Variants in KRABD5 observed in about 807,000 individuals in gnomAD.
KRABD5 encodes the protein KRAB domain-containing protein 5.
chr16:31,730,101 C>T, the KRABD5 span, among the ~76,000 whole-genome samples: 1 of 152,108 alleles, frequency 6.6e-6, no homozygotes, highest in South Asian at 2.1e-4. Context: ...TCACTATTTA[C>T]CATTTCCAGT....
chr16:31,756,201 G>C, the KRABD5 span: 1 of 152,022 alleles, frequency 6.6e-6, no homozygotes, highest in Admixed American at 6.6e-5. Context: ...TTATTTTCTT[G>C]GAAATTTAAT....
chr16:31,750,716 G>GT, the KRABD5 span, among the ~76,000 whole-genome samples: 1 of 150,134 alleles, frequency 6.7e-6, no homozygotes, highest in Non-Finnish European at 1.5e-5. Context: ...TTTGTTGAGG[G>GT]GTTTTTTTTT....
the KRABD5 span, chr16:31,754,772 A>C: frequency 2.2e-6 from 1 of 463,056 alleles, no homozygotes; most frequent in Non-Finnish European, 4.4e-6. Flanking sequence ...ACATAAGATA[A>C]TCCATAATGA....
chr16:31,749,100 C>G, the KRABD5 span, among the ~76,000 whole-genome samples: 14 of 152,258 alleles, frequency 9.2e-5, no homozygotes, highest in African/African-American at 2.9e-4. Flanking sequence ...GTTGTCACCC[C>G]TCTCGCTAGG....
the KRABD5 span, chr16:31,754,253 A>C: frequency 1.6e-6 from 1 of 641,006 alleles, no homozygotes; most frequent in Non-Finnish European, 2.8e-6. Flanking sequence ...AATTTGATGG[A>C]TCTTTGTTAA....
chr16:31,734,182 T>A, the KRABD5 span, among the ~76,000 whole-genome samples: 1 of 152,132 alleles, frequency 6.6e-6, no homozygotes, highest in Non-Finnish European at 1.5e-5. Context: ...GTGCATTACC[T>A]CATGTATTTG....
the KRABD5 span, chr16:31,755,409 T>G: frequency 2.0e-6 from 1 of 493,926 alleles, no homozygotes. Context: ...GGCAAAGCCT[T>G]TAACTGTAGT....
chr16:31,713,421 G>A, the KRABD5 span: 3 of 1,605,534 alleles, frequency 1.9e-6, no homozygotes, highest in Non-Finnish European at 1.7e-6. Flanking sequence ...AGGACATCCC[G>A]GAAGCTGGGA....
chr16:31,719,795 G>T, the KRABD5 span, among the ~76,000 whole-genome samples: 1 of 152,170 alleles, frequency 6.6e-6, no homozygotes, highest in Non-Finnish European at 1.5e-5. Context: ...TTTCTTCATT[G>T]AGAACAGTGT....
chr16:31,721,211 A>T, the KRABD5 span, among the ~76,000 whole-genome samples: 1 of 152,198 alleles, frequency 6.6e-6, no homozygotes. Context: ...TAGTTTTAAC[A>T]CAATTTAAAA....
the KRABD5 span, among the ~76,000 whole-genome samples, chr16:31,731,974 A>G: frequency 3.9e-5 from 6 of 152,210 alleles, no homozygotes; most frequent in Non-Finnish European, 7.4e-5. Flanking sequence ...TTCAGGGAGC[A>G]CAGACAAGAC....
the KRABD5 span, among the ~76,000 whole-genome samples, chr16:31,715,003 C>G: frequency 6.6e-6 from 1 of 152,182 alleles, no homozygotes; most frequent in African/African-American, 2.4e-5. Context: ...CAGAAAAGGC[C>G]TTTCTTTCAT....
the KRABD5 span, among the ~76,000 whole-genome samples, chr16:31,735,453 G>A: frequency 6.6e-6 from 1 of 152,054 alleles, no homozygotes; most frequent in Non-Finnish European, 1.5e-5. Flanking sequence ...TGAATCATAT[G>A]ACAGCTGTAT....
the KRABD5 span, chr16:31,713,493 G>A: frequency 6.4e-7 from 1 of 1,573,646 alleles, no homozygotes. Flanking sequence ...GGAAGCGGCG[G>A]GAACCCTCTT....
chr16:31,713,517 G>A, the KRABD5 span: 3 of 1,527,922 alleles, frequency 2.0e-6, no homozygotes, highest in South Asian at 3.6e-5. Context: ...GGTTAGCTTC[G>A]GGGTCTGGGC....
chr16:31,715,932 A>G, the KRABD5 span, among the ~76,000 whole-genome samples: 1 of 152,176 alleles, frequency 6.6e-6, no homozygotes, highest in African/African-American at 2.4e-5. Context: ...TCCCAGGGTG[A>G]GAAGCGACTG....
the KRABD5 span, among the ~76,000 whole-genome samples, chr16:31,721,121 C>T: frequency 6.6e-6 from 1 of 152,088 alleles, no homozygotes; most frequent in Non-Finnish European, 1.5e-5. Context: ...CTCAGAAACA[C>T]AAGCTCTTAT....
At chr16:31,757,544 G>A in the KRABD5 span, 2 of 152,278 alleles carry the variant, frequency 1.3e-5, no homozygotes, top group East Asian at 3.9e-4. Context: ...CTGCATCTAA[G>A]TCACTTTGAA....
At chr16:31,713,796 C>A in the KRABD5 span, among the ~76,000 whole-genome samples, 1 of 152,126 alleles carries the variant, frequency 6.6e-6, no homozygotes, top group African/African-American at 2.4e-5. Flanking sequence ...TCTCCTTTTT[C>A]CTCTTACAAA....
Sources: gnomAD v4.1 joint callset for allele counts (sites outside exome capture counted in the v4.1 genomes callset) on GRCh38, gnomAD v4.1.1 for gene constraint, MANE v1.5 for transcripts, NCBI Gene and HGNC (gene_info 2026-07-23, HGNC 2026-07-21) for gene names.